The following OR8D4 variants were observed in gnomAD, a reference collection of about 807,000 sequenced individuals.
The protein encoded by OR8D4 is olfactory receptor family 8 subfamily D member 4.
For synonymous variants in OR8D4, 141 were observed against 134.8 expected, an observed-to-expected ratio of 1.05 and a Z score of -0.32; for missense variants, 359 against 372.6, an observed-to-expected ratio of 0.96 and a Z score of 0.30.
intron 1 of OR8D4, among the ~76,000 whole-genome samples, chr11:123,904,620 T>C (rs537968005): frequency 6.6e-6 from 1 of 152,098 alleles, no homozygotes; most frequent in Admixed American, 6.6e-5. Flanking sequence ...ATCTCCATCA[T>C]TTAGGATGAG....
intron 1 of OR8D4, among the ~76,000 whole-genome samples, chr11:123,905,074 T>G (rs1863189564): frequency 6.6e-6 from 1 of 152,148 alleles, no homozygotes; most frequent in African/African-American, 2.4e-5. Flanking sequence ...TTGCTTGCAT[T>G]GCCAGTAGTG....
chr11:123,907,332 C>T lies in OR8D4; in HGVS notation c.901C>T (p.Leu301=), dbSNP rs146310490. 3.3e-6 allele frequency: 5 copies of T among 1,499,728 alleles called. No individual in the cohort carries two copies. Among genetic ancestry groups the T allele is most frequent in the Non-Finnish European group, 3.7e-6 (4 of 1,094,534 alleles). The allele number at this position is 1,499,728 out of a possible 1,614,324, so 92.9% of individuals were successfully genotyped here. A position where few individuals can be genotyped will look rare whatever the true frequency, so the allele number is the denominator to read the frequency against. ...GAGGAACAATGAAGTAAGAAATGCT[C>T]TGATGAAACTTTTAAGAAGAAAAAT... ...SLRNNEVRNA[L]MKLLRRKISL... Residue 301 remains leucine, a synonymous_variant, in exon 2 of 2, where the codon CTG becomes TTG. Coordinates refer to ENST00000641687, the MANE Select transcript of OR8D4 (RefSeq NM_001005197.2).
chr11:123,907,151 C>T lies in OR8D4; in HGVS notation c.720C>T (p.Thr240=), dbSNP rs1185143135. ...SKKGRCKAFS[T]CSSHLTAVLM... ...AGGGCAGGTGCAAAGCGTTTAGCAC[C>T]TGTAGCTCCCACCTGACAGCTGTTC... The change falls in exon 2 of 2, where the codon ACC becomes ACT. Residue 240 remains threonine (T), a synonymous_variant. Coordinates refer to ENST00000641687, the MANE Select transcript of OR8D4 (RefSeq NM_001005197.2). The T allele has an allele frequency of 1.9e-6, 3 of 1,613,726 alleles. No individual in the cohort carries two copies. Among genetic ancestry groups the T allele is most frequent in the Admixed American group, 1.7e-5 (1 of 59,994 alleles).
chr11:123,902,650 A>G (rs1271899959), intron 1 of OR8D4, among the ~76,000 whole-genome samples: 1 of 152,174 alleles, frequency 6.6e-6, no homozygotes, highest in Non-Finnish European at 1.5e-5. Flanking sequence ...CAAAGGTTGC[A>G]CTGTAAATCT....
At position 123,909,112 on chromosome 11, in the gene OR8D4, A is replaced by C. The variant is rs1466443528; in HGVS notation, c.*1736A>C. 1 of 152,176 alleles carries C rather than the reference A, an allele frequency of 6.6e-6. No homozygotes were observed. The highest frequency in any genetic ancestry group is 2.4e-5 in the African/African-American group (1 of 41,446). 9.4% of individuals were successfully genotyped at this position (152,176 alleles called of 1,614,324 possible). A position where few individuals can be genotyped will look rare whatever the true frequency, so the allele number is the denominator to read the frequency against. On this transcript the variant is annotated 3_prime_UTR_variant, in exon 2 of 2. Coordinates refer to ENST00000641687, the MANE Select transcript of OR8D4 (RefSeq NM_001005197.2). ...AGGGAAAGATAGTGCTATTGGCCAG[A>C]GTGGAAGCAGAGAGGGTACTTTTGA...
rs138254306 is a variant in OR8D4, at chr11:123,907,180, T to C, written c.749T>C (p.Met250Thr). ...TCSSHLTAVL[M>T]FYGSLMSMYL... ...AGCTCCCACCTGACAGCTGTTCTTA[T>C]GTTTTATGGGTCTCTGATGTCCATG... Residue 250 changes from methionine to threonine, a missense_variant, in exon 2 of 2, where the codon ATG becomes ACG. By Grantham distance (81) the Met-to-Thr change is moderately conservative. Transcript: ENST00000641687. 3 of 1,613,674 alleles carry C rather than the reference T, an allele frequency of 1.9e-6. No individual in the cohort carries two copies. The highest frequency in any genetic ancestry group is 2.5e-6 in the Non-Finnish European group (3 of 1,179,826).
Position 123,907,154 on chromosome 11 carries a change from T to C in OR8D4, c.723T>C (p.Cys241=), listed in dbSNP as rs61748875. ...GCAGGTGCAAAGCGTTTAGCACCTG[T>C]AGCTCCCACCTGACAGCTGTTCTTA... ...KKGRCKAFST[C]SSHLTAVLMF... The change falls in exon 2 of 2, where the codon TGT becomes TGC. Residue 241 remains cysteine (C), a synonymous_variant. Transcript: ENST00000641687. The C allele has an allele frequency of 0.19, 300,326 of 1,613,092 alleles. 28,799 individuals carry two copies. Among genetic ancestry groups the C allele is most frequent in the Middle Eastern group, 0.23 (1,370 of 6,050 alleles).
In OR8D4 at chr11:123,907,249, T is replaced by A. The variant is rs755231455; in HGVS notation, c.818T>A (p.Val273Glu). ...ASSSSLTQEK[V>E]SSVFYTTVIL... ...AGCAGTTCACTCACCCAGGAGAAAG[T>A]ATCCTCAGTATTTTATACCACTGTG... The change falls in exon 2 of 2, where the codon GTA (valine) becomes GAA (glutamate). Residue 273 changes from valine (V) to glutamate (E), a missense_variant. Physicochemically the swap from Val to Glu is moderately radical, Grantham distance 121 (BLOSUM62 -2). Transcript: ENST00000641687. 1.2e-6 allele frequency: 2 copies of A among 1,612,064 alleles called. No individual in the cohort carries two copies. Among genetic ancestry groups the A allele is most frequent in the African/African-American group, 2.7e-5 (2 of 74,856 alleles).
At chr11:123,902,693 C>G (rs1214121471) in intron 1 of OR8D4, among the ~76,000 whole-genome samples, 2 of 152,140 alleles carry the variant, frequency 1.3e-5, no homozygotes, top group East Asian at 3.9e-4. Context: ...TCTTATAACT[C>G]AGGGTTCATG....
intron 1 of OR8D4, among the ~76,000 whole-genome samples, chr11:123,902,566 T>G (rs955157346): frequency 6.6e-6 from 1 of 152,210 alleles, no homozygotes; most frequent in East Asian, 1.9e-4. Flanking sequence ...CTCATTTGAT[T>G]TGCATAACAA....
rs1309824166 is a variant in OR8D4, at chr11:123,907,250, A to T, written c.819A>T (p.Val273=). Reference sequence around the variant, plus strand: ...GCAGTTCACTCACCCAGGAGAAAGTATCCTCAGTATTTTATACCACTGTGA... The same window carrying T: ...GCAGTTCACTCACCCAGGAGAAAGTTTCCTCAGTATTTTATACCACTGTGA... ...ASSSSLTQEK[V]SSVFYTTVIL... The change falls in exon 2 of 2, where the codon GTA becomes GTT. Residue 273 remains valine (V), a synonymous_variant. Transcript: ENST00000641687. The T allele has an allele frequency of 6.2e-7, 1 of 1,612,148 alleles. No individual in the cohort carries two copies. Among genetic ancestry groups the T allele is most frequent in the Non-Finnish European group, 8.5e-7 (1 of 1,178,396 alleles).
chr11:123,906,713 T>G lies in OR8D4; in HGVS notation c.282T>G (p.Tyr94Ter), dbSNP rs149250728. The change falls in exon 2 of 2, where the codon TAT becomes TAG. Residue 94 changes from tyrosine (Y) to a stop codon, truncating the protein, a stop_gained. Transcript: ENST00000641687. LOFTEE classifies it low-confidence loss of function (END_TRUNC). ...GFLCRDRSIS[Y>*]SGCMIQLFFF... is the part of the protein sequence containing the mutation. ...TATGCAGAGATAGATCCATCTCCTA[T>G]TCTGGATGCATGATTCAGCTGTTTT... 4 of 1,614,072 alleles carry G rather than the reference T, an allele frequency of 2.5e-6. No homozygotes were observed. The highest frequency in any genetic ancestry group is 2.2e-5 in the East Asian group (1 of 44,876).
At position 123,908,110 on chromosome 11, in the gene OR8D4, T is replaced by C. The variant is rs548147307; in HGVS notation, c.*734T>C. 1 of 152,294 alleles carries C rather than the reference T, an allele frequency of 6.6e-6. No homozygotes were observed. The highest frequency in any genetic ancestry group is 1.9e-4 in the East Asian group (1 of 5,182). The allele number at this position is 152,294 out of a possible 1,614,324, so 9.4% of individuals were successfully genotyped here. A position where few individuals can be genotyped will look rare whatever the true frequency, so the allele number is the denominator to read the frequency against. On this transcript the variant is annotated 3_prime_UTR_variant, in exon 2 of 2. Transcript: ENST00000641687. The stretch of plus-strand genomic sequence containing the variant: ...TTGATTGTTTCTTATAAAGGGCTTC[T>C]TGAAAGCCAGTATTGTCTTACAGTG...
chr11:123,904,606 T>C (rs10790608), intron 1 of OR8D4, among the ~76,000 whole-genome samples: 111,857 of 152,118 alleles, frequency 0.74, 41,484 homozygotes, highest in African/African-American at 0.81. Context: ...GCACGTGATC[T>C]TCCATCTCCA....
At position 123,903,296 on chromosome 11, in the gene OR8D4, A is replaced by G. The variant is rs564956672; in HGVS notation, c.-16+1039A>G. Among the ~76,000 whole-genome samples the G allele has an allele frequency of 2.6e-5, 4 of 152,252 alleles. No individual in the cohort carries two copies. In the South Asian group the frequency reaches 8.3e-4, roughly 32 times the overall value. On this transcript the variant is annotated intron_variant, in intron 1 of 1. Coordinates refer to ENST00000641687, the MANE Select transcript of OR8D4 (RefSeq NM_001005197.2). ...GAAGGGGTCCAGGAACCAGTCTCCT[A>G]TGGATATCAAGGACTGAACTGAGTT...
At position 123,907,445 on chromosome 11, in the gene OR8D4, C is replaced by G. The variant is rs916369417; in HGVS notation, c.*69C>G. ...TTATATGTATATATTTATACCTTGACTATTTAAAAGTAATTTGAGGTCCAG... is the reference window on the plus strand; with the variant it reads ...TTATATGTATATATTTATACCTTGAGTATTTAAAAGTAATTTGAGGTCCAG... On this transcript the variant is annotated 3_prime_UTR_variant, in exon 2 of 2. Transcript: ENST00000641687. 8.3e-6 allele frequency: 6 copies of G among 723,830 alleles called. No individual in the cohort carries two copies. Among genetic ancestry groups the G allele is most frequent in the African/African-American group, 1.8e-5 (1 of 55,334 alleles). 44.8% of individuals were successfully genotyped at this position (723,830 alleles called of 1,614,324 possible).
chr11:123,907,523 G>A lies in OR8D4; in HGVS notation c.*147G>A, dbSNP rs1863215450. 1 of 438,412 alleles carries A rather than the reference G, an allele frequency of 2.3e-6. No homozygotes were observed. 27.2% of individuals were successfully genotyped at this position (438,412 alleles called of 1,614,324 possible). The stretch of plus-strand genomic sequence containing the variant: ...GCACTTTGGGAGGCCGAGTTGGGTG[G>A]ATCACGAGGTCCGGTGTTCAAGACC... On this transcript the variant is annotated 3_prime_UTR_variant, in exon 2 of 2. Transcript: ENST00000641687.
chr11:123,908,212 AG>A lies in OR8D4; in HGVS notation c.*837del, dbSNP rs1863222002. The stretch of plus-strand genomic sequence containing the variant: ...TTTGGCAGCTGTTGATCCAAAAATA[AG>A]ATTTAACAATGACTAGATGAAGAGA... On this transcript the variant is annotated 3_prime_UTR_variant, in exon 2 of 2. Transcript: ENST00000641687. 3 of 152,342 alleles carry A rather than the reference AG, an allele frequency of 2.0e-5. No individual in the cohort carries two copies. The South Asian group carries it at 6.2e-4, about 32-fold the overall frequency. The allele number at this position is 152,342 out of a possible 1,614,324, so 9.4% of individuals were successfully genotyped here.
intron 1 of OR8D4, among the ~76,000 whole-genome samples, chr11:123,902,998 T>A (rs773098227): frequency 8.6e-5 from 13 of 151,680 alleles, no homozygotes; most frequent in Admixed American, 2.6e-4. Context: ...TGTGTGTCTG[T>A]GGGTTCCACA....
Sources: allele counts gnomAD v4.1 joint callset (sites outside exome capture counted in the v4.1 genomes callset), GRCh38; gene constraint gnomAD v4.1.1; transcripts MANE v1.5; gene names NCBI Gene and HGNC (gene_info 2026-07-23, HGNC 2026-07-21).